The following TTC12 variants were observed in gnomAD, a reference collection of about 807,000 sequenced individuals.
TTC12 encodes tetratricopeptide repeat protein 12.
Under a neutral mutation model 90.1 loss-of-function variants are expected in TTC12, and 70 were observed. The ratio of observed to expected loss-of-function variants is 0.78; its 90% CI spans 0.64 to 0.95. The LOEUF (loss-of-function observed/expected upper bound fraction) is 0.95, where lower values mean the gene tolerates loss of function less well. Among genes scored for constraint, TTC12 ranks in the 40% least tolerant of loss-of-function variants. The probability of loss-of-function intolerance (pLI) is 0.00; values close to 1 mark genes in which losing one functional copy is unlikely to be tolerated. For synonymous variants in TTC12, 296 were observed against 311.5 expected, an observed-to-expected ratio of 0.95 and a Z score of 0.53; for missense variants, 819 against 846.1, an observed-to-expected ratio of 0.97 and a Z score of 0.40.
downstream of TTC12, among the ~76,000 whole-genome samples, chr11:113,367,732 G>A (rs547607968): frequency 1.3e-5 from 2 of 152,278 alleles, no homozygotes; most frequent in Admixed American, 6.5e-5. Flanking sequence ...GGGGTGGGCG[G>A]TGGAAGAAAA....
Position 113,365,076 on chromosome 11 carries a change from G to A in TTC12, c.2042+16G>A, listed in dbSNP as rs773290284. The A allele has an allele frequency of 2.8e-5, 45 of 1,608,962 alleles. No homozygotes were observed. Among genetic ancestry groups the A allele is most frequent in the Middle Eastern group, 3.5e-4 (2 of 5,792 alleles). On this transcript the variant is annotated intron_variant, in intron 21 of 21. Transcript: ENST00000529221. ...CTGAGCCCAGGTATGCTGTGGACAC[G>A]GAGCCAGGCTGACCTATTGCAGAAA...
chr11:113,338,909 G>T, intron 9 of TTC12, 75 bp downstream of exon 9: 1 of 1,356,662 alleles, frequency 7.4e-7, no homozygotes, highest in East Asian at 2.3e-5. Context: ...TGCCTTCCGT[G>T]CTTTCACTGC....
chr11:113,366,147 G>C, intron 21 of TTC12, 78 bp from the exon 22 acceptor site: 1 of 1,505,086 alleles, frequency 6.6e-7, no homozygotes, highest in Non-Finnish European at 9.2e-7. Flanking sequence ...GCTTCCATCT[G>C]AGAGGGTGTT....
downstream of TTC12, among the ~76,000 whole-genome samples, chr11:113,370,181 T>C (rs1375326258): frequency 6.6e-6 from 1 of 152,208 alleles, no homozygotes; most frequent in Non-Finnish European, 1.5e-5. Context: ...CAGTGTGAAG[T>C]GGAAGGTGCT....
At chr11:113,348,876 C>G (rs1046592707) in intron 13 of TTC12, among the ~76,000 whole-genome samples, 1 of 152,220 alleles carries the variant, frequency 6.6e-6, no homozygotes, top group African/African-American at 2.4e-5. Flanking sequence ...CTACCATCCC[C>G]TGTTCTCCCC....
At chr11:113,348,534 A>G (rs1048132068) in intron 13 of TTC12, among the ~76,000 whole-genome samples, 36 of 152,236 alleles carry the variant, frequency 2.4e-4, no homozygotes, top group Non-Finnish European at 4.6e-4. Flanking sequence ...TGCCTCTTGT[A>G]CTACCTGCTC....
intron 6 of TTC12, among the ~76,000 whole-genome samples, chr11:113,328,244 G>A (rs782796817): frequency 6.6e-6 from 1 of 152,340 alleles, no homozygotes; most frequent in South Asian, 2.1e-4. Context: ...CAGAAGAAGA[G>A]TGCTTCAGAG....
intron 20 of TTC12, 163 bp from the exon 21 acceptor site, chr11:113,364,672 A>G: frequency 3.2e-6 from 2 of 631,608 alleles, no homozygotes; most frequent in South Asian, 3.7e-5. Flanking sequence ...GTTCATATGC[A>G]TTCAGTGAAT....
At chr11:113,340,632 G>A (rs1948628472) in intron 10 of TTC12, 32 bp from the exon 11 acceptor site, 5 of 1,587,002 alleles carry the variant, frequency 3.2e-6, no homozygotes, top group East Asian at 2.2e-5. Flanking sequence ...CAGTTTGGGA[G>A]TCTGAAGTGG....
chr11:113,368,555 G>C, downstream of TTC12: 1 of 1,468,992 alleles, frequency 6.8e-7, no homozygotes, highest in Non-Finnish European at 9.3e-7. Flanking sequence ...TCACCATCCT[G>C]AAGCCACAGC....
intron 13 of TTC12, among the ~76,000 whole-genome samples, chr11:113,346,594 A>G (rs1377456327): frequency 1.3e-5 from 2 of 152,068 alleles, no homozygotes; most frequent in African/African-American, 4.8e-5. Context: ...CCTTTTATCA[A>G]GAAAACCTAC....
At chr11:113,323,200 TC>T in intron 2 of TTC12, 87 bp from the exon 3 acceptor site, 1 of 1,084,520 alleles carries the variant, frequency 9.2e-7, no homozygotes, top group Non-Finnish European at 1.2e-6. Context: ...TTAAGATCTT[TC>T]CCATGCATTT....
Position 113,321,169 on chromosome 11 carries a change from G to A in TTC12, c.59-2119G>A, listed in dbSNP as rs968183170. Among the ~76,000 whole-genome samples, 8 of 152,084 alleles carry A rather than the reference G, an allele frequency of 5.3e-5. No individual in the cohort carries two copies. In the East Asian group the frequency reaches 5.8e-4, roughly 11 times the overall value. Reference sequence around the variant, plus strand: ...ATGCTCAATTCCAATCAAATTCAGCGAAATGCAAATTAAAACAATGAGATA... The same window carrying A: ...ATGCTCAATTCCAATCAAATTCAGCAAAATGCAAATTAAAACAATGAGATA... On this transcript the variant is annotated intron_variant, in intron 2 of 21. Transcript: ENST00000529221.
intron 13 of TTC12, among the ~76,000 whole-genome samples, chr11:113,349,506 G>A (rs576312804): frequency 1.3e-5 from 2 of 152,094 alleles, no homozygotes; most frequent in Non-Finnish European, 2.9e-5. Context: ...GTTTGTAAGT[G>A]GCTAAAAATC....
At chr11:113,355,198 T>C (rs1171787638) in intron 16 of TTC12, among the ~76,000 whole-genome samples, 2 of 152,156 alleles carry the variant, frequency 1.3e-5, no homozygotes, top group African/African-American at 4.8e-5. Context: ...ATGGTGTATG[T>C]GTCCAGAAAT....
At chr11:113,316,402 A>G in intron 2 of TTC12, 87 bp downstream of exon 2, 1 of 610,912 alleles carries the variant, frequency 1.6e-6, no homozygotes, top group Non-Finnish European at 2.6e-6. Context: ...GTGGCTTGAC[A>G]GGTTTATAAC....
At chr11:113,322,276 G>T (rs572814749) in intron 2 of TTC12, among the ~76,000 whole-genome samples, 1 of 152,230 alleles carries the variant, frequency 6.6e-6, no homozygotes, top group East Asian at 1.9e-4. Context: ...TAATTTAGAA[G>T]GAAGCTGGTC....
intron 8 of TTC12, among the ~76,000 whole-genome samples, chr11:113,338,464 C>T (rs1948498307): frequency 6.6e-6 from 1 of 152,114 alleles, no homozygotes; most frequent in African/African-American, 2.4e-5. Context: ...CTAAGTTTTG[C>T]GTTTACTTTA....
chr11:113,323,215 G>C (rs1947457464), intron 2 of TTC12, 73 bp from the exon 3 acceptor site: 2 of 1,178,926 alleles, frequency 1.7e-6, no homozygotes, highest in Non-Finnish European at 2.2e-6. Flanking sequence ...TGCATTTTAT[G>C]CACCATCCTT....
Sources: allele counts gnomAD v4.1 joint callset (sites outside exome capture counted in the v4.1 genomes callset), GRCh38; gene constraint gnomAD v4.1.1; transcripts MANE v1.5; gene names NCBI Gene and HGNC (gene_info 2026-07-23, HGNC 2026-07-21).